ARL5B: variants seen among roughly 807,000 people sequenced by gnomAD.
ARL5B encodes the protein ARF like GTPase 5B.
In ARL5B, 10 loss-of-function variants were observed where a neutral mutation model predicts 26.9. That is an observed-to-expected ratio of 0.37 (90% CI 0.23 to 0.63). The LOEUF (loss-of-function observed/expected upper bound fraction) is 0.63. ARL5B is among the 30% of genes least tolerant of loss of function. ARL5B has a pLI of 0.62. For synonymous variants in ARL5B, 87 were observed against 70.4 expected (o/e 1.24, Z -1.18); for missense variants, 167 against 213.9 (o/e 0.78, Z 1.37).
chr10:18,665,473 GA>G (rs1181538208), intron 1 of ARL5B, among the ~76,000 whole-genome samples: 1 of 152,178 alleles, frequency 6.6e-6, no homozygotes, highest in Non-Finnish European at 1.5e-5. Flanking sequence ...GCTGTATCTA[GA>G]GTGTGTAGGT....
At position 18,670,301 on chromosome 10, in the gene ARL5B, A is replaced by T. The variant is rs187288763; in HGVS notation, c.255+1624A>T. 3.0e-3 allele frequency among the ~76,000 whole-genome samples: 457 copies of T among 152,204 alleles called. 2 individuals are homozygous for T. Among genetic ancestry groups the T allele is most frequent in the African/African-American group, 0.011 (444 of 41,558 alleles). On this transcript the variant is annotated intron_variant, in intron 3 of 5. Coordinates refer to ENST00000377275, the MANE Select transcript of ARL5B (RefSeq NM_178815.5). ...TTATACAGTAAAATAATGTTCTGAAACTAGAATAAGTTAGAAAGTAAGGGA... is the reference window on the plus strand; with the variant it reads ...TTATACAGTAAAATAATGTTCTGAATCTAGAATAAGTTAGAAAGTAAGGGA...
chr10:18,667,728 A>C (rs11015485), intron 2 of ARL5B, among the ~76,000 whole-genome samples: 6 of 149,734 alleles, frequency 4.0e-5, no homozygotes, highest in East Asian at 2.1e-4. Context: ...CACACACACA[A>C]ACACACACAC....
intron 2 of ARL5B, 140 bp from the exon 3 acceptor site, chr10:18,668,390 G>T: frequency 1.3e-6 from 1 of 792,782 alleles, no homozygotes; most frequent in Non-Finnish European, 1.9e-6. Flanking sequence ...TTGCGCAAGT[G>T]TTCTCCAGGT....
intron 2 of ARL5B, among the ~76,000 whole-genome samples, chr10:18,667,806 C>T (rs957555710): frequency 1.3e-5 from 2 of 151,982 alleles, no homozygotes; most frequent in Non-Finnish European, 2.9e-5. Flanking sequence ...TCTCCACCTC[C>T]CAGGTTCAGG....
At position 18,659,994 on chromosome 10, in the gene ARL5B, G is replaced by C. The variant is rs148076047; in HGVS notation, c.46+311G>C. On this transcript the variant is annotated intron_variant, in intron 1 of 5. Coordinates refer to ENST00000377275, the MANE Select transcript of ARL5B (RefSeq NM_178815.5). The stretch of plus-strand genomic sequence containing the variant: ...AGGAGGCGTATGGAGGGCCTTTCTC[G>C]TCTTTATTGAAGCGTGCTTGTGTCT... 9.8e-3 allele frequency: 9,376 copies of C among 956,158 alleles called. 47 individuals are homozygous for C. The highest frequency in any genetic ancestry group is 0.011 in the Non-Finnish European group (8,647 of 803,388). 59.2% of individuals were successfully genotyped at this position (956,158 alleles called of 1,614,324 possible).
chr10:18,668,727 CAT>C, intron 3 of ARL5B, 50 bp downstream of exon 3: 1 of 1,550,282 alleles, frequency 6.5e-7, no homozygotes. Context: ...CTAGAGTAAA[CAT>C]AGAAAGTAAT....
At position 18,679,698 on chromosome 10, in the gene ARL5B, T is replaced by G. The variant is rs1167160580; in HGVS notation, c.*4482T>G. On this transcript the variant is annotated 3_prime_UTR_variant, in exon 6 of 6. Coordinates refer to ENST00000377275, the MANE Select transcript of ARL5B (RefSeq NM_178815.5). The stretch of plus-strand genomic sequence containing the variant: ...AAGGCAGCTTTAAATGTATATAGTT[T>G]GGTGAAACATTTGGGAAATATTAAT... The G allele has an allele frequency of 2.0e-5, 3 of 151,950 alleles. No individual in the cohort carries two copies. Among genetic ancestry groups the G allele is most frequent in the Admixed American group, 2.0e-4 (3 of 15,240 alleles). The allele number at this position is 151,950 out of a possible 1,614,324, so 9.4% of individuals were successfully genotyped here.
chr10:18,677,008 A>G lies in ARL5B; in HGVS notation c.*1792A>G, dbSNP rs554358799. On this transcript the variant is annotated 3_prime_UTR_variant, in exon 6 of 6. Transcript: ENST00000377275. The stretch of plus-strand genomic sequence containing the variant: ...TCAAGAACATGAGCGAAAAGCAGAC[A>G]TAAATCGATATGGATGGTTTGTGGT... 2.0e-4 allele frequency: 30 copies of G among 152,446 alleles called. No homozygotes were observed. The highest frequency in any genetic ancestry group is 5.3e-4 in the African/African-American group (22 of 41,542). The allele number at this position is 152,446 out of a possible 1,614,324, so 9.4% of individuals were successfully genotyped here.
intron 1 of ARL5B, among the ~76,000 whole-genome samples, chr10:18,664,111 G>A (rs919209792): frequency 2.0e-5 from 3 of 151,834 alleles, no homozygotes; most frequent in Non-Finnish European, 4.4e-5. Flanking sequence ...CTGCCACCAT[G>A]CCCGGCTAAG....
At chr10:18,659,834 C>T (rs902697515) in intron 1 of ARL5B, 151 bp downstream of exon 1, 4 of 1,487,790 alleles carry the variant, frequency 2.7e-6, no homozygotes, top group East Asian at 2.5e-5. Context: ...GTGTTTTAGA[C>T]CTGGAGGACG....
intron 1 of ARL5B, 148 bp from the exon 2 acceptor site, chr10:18,666,427 C>T: frequency 1.6e-6 from 1 of 617,092 alleles, no homozygotes; most frequent in Non-Finnish European, 2.7e-6. Context: ...GCCTTAACAT[C>T]ATAACATTTC....
chr10:18,666,546 A>C (rs777471129), intron 1 of ARL5B, 29 bp from the exon 2 acceptor site: 1 of 1,573,490 alleles, frequency 6.4e-7, no homozygotes, highest in Admixed American at 1.8e-5. Context: ...AGTAGTGTTA[A>C]ATGTTTATGA....
intron 4 of ARL5B, 79 bp downstream of exon 4, chr10:18,672,784 A>C (rs1228703418): frequency 1.4e-5 from 12 of 842,002 alleles, no homozygotes; most frequent in Non-Finnish European, 2.2e-5. Flanking sequence ...GCAAAGATTA[A>C]TGTGATATGA....
intron 1 of ARL5B, among the ~76,000 whole-genome samples, chr10:18,661,906 G>T (rs921118969): frequency 2.0e-5 from 3 of 152,154 alleles, no homozygotes; most frequent in South Asian, 2.1e-4. Context: ...GTTTGCTTGC[G>T]AGGAGTGAAG....
intron 1 of ARL5B, 23 bp from the exon 2 acceptor site, chr10:18,666,552 T>C: frequency 6.3e-7 from 1 of 1,588,330 alleles, no homozygotes; most frequent in South Asian, 1.1e-5. Context: ...GTTAAATGTT[T>C]ATGATTTGCT....
chr10:18,670,740 T>C (rs1220791999), intron 3 of ARL5B, among the ~76,000 whole-genome samples: 1 of 152,252 alleles, frequency 6.6e-6, no homozygotes, highest in Admixed American at 6.5e-5. Flanking sequence ...CATTGATGAA[T>C]AGGTCAAAGT....
intron 1 of ARL5B, among the ~76,000 whole-genome samples, chr10:18,660,558 C>T (rs2059827870): frequency 1.3e-5 from 2 of 152,078 alleles, no homozygotes; most frequent in Admixed American, 1.3e-4. Flanking sequence ...GTTTTATTTC[C>T]TTTTATGTTG....
chr10:18,671,954 A>G (rs1028959316), intron 3 of ARL5B, among the ~76,000 whole-genome samples: 7 of 152,110 alleles, frequency 4.6e-5, no homozygotes, highest in African/African-American at 1.4e-4. Flanking sequence ...TGCCTGGCCT[A>G]TATCTTCTTA....
intron 1 of ARL5B, chr10:18,659,949 G>GT: frequency 4.1e-6 from 4 of 985,166 alleles, no homozygotes; most frequent in Non-Finnish European, 4.8e-6. Flanking sequence ...GAAGTAAAGC[G>GT]GGATACAGCT....
Sources: allele counts gnomAD v4.1 joint callset (sites outside exome capture counted in the v4.1 genomes callset), GRCh38; gene constraint gnomAD v4.1.1; transcripts MANE v1.5; gene names NCBI Gene and HGNC (gene_info 2026-07-23, HGNC 2026-07-21).